Variants in WDR27 observed in about 807,000 individuals in gnomAD.
The protein encoded by WDR27 is WD repeat-containing protein 27.
Under a neutral mutation model 114.4 loss-of-function variants are expected in WDR27, and 100 were observed. The observed-to-expected ratio is 0.87, with a 90% CI of 0.74 to 1.03. The LOEUF (loss-of-function observed/expected upper bound fraction) is 1.03. Ranked by LOEUF, WDR27 falls within the 50% of genes least tolerant of loss-of-function variation. The pLI, the probability that WDR27 is intolerant of heterozygous loss-of-function variation, is 0.00. For missense variants in WDR27, 1,129 were observed against 1,092.9 expected, an observed-to-expected ratio of 1.03 and a Z score of -0.47; for synonymous variants, 449 against 423.1, an observed-to-expected ratio of 1.06 and a Z score of -0.75.
rs78747198 is a variant in WDR27 at position 169,493,829 on chromosome 6, T to C, written c.2646-36195A>G. Among the ~76,000 whole-genome samples the C allele has an allele frequency of 4.1e-4, 63 of 152,274 alleles. 3 individuals carry two copies. The East Asian group carries it at 0.01, about 24-fold the overall frequency. On this transcript the variant is annotated intron_variant, in intron 25 of 25. Coordinates refer to ENST00000448612, the MANE Select transcript of WDR27 (RefSeq NM_182552.5). ...ATGACATACATATGTAAGTTTTGCA[T>C]AGGCTTTTGAGAAATAATACCATAT...
chr6:169,506,772 G>A (rs964524488), intron 25 of WDR27, among the ~76,000 whole-genome samples: 1 of 152,226 alleles, frequency 6.6e-6, no homozygotes, highest in Admixed American at 6.5e-5. Context: ...AGATGTGTTA[G>A]TTATAACTTG....
Position 169,625,328 on chromosome 6 carries a change from C to T in WDR27, c.2223+7619G>A, listed in dbSNP as rs566967145. On this transcript the variant is annotated intron_variant, in intron 21 of 25. Coordinates refer to ENST00000448612, the MANE Select transcript of WDR27 (RefSeq NM_182552.5). ...CTCACAGGAGAGAGGATTAATTCCACGTCATTCCGACTGCACTGATGAGCC... is the reference window on the plus strand; with the variant it reads ...CTCACAGGAGAGAGGATTAATTCCATGTCATTCCGACTGCACTGATGAGCC... Among the ~76,000 whole-genome samples, 89 of 152,338 alleles carry T rather than the reference C, an allele frequency of 5.8e-4. 1 individual carries two copies. Among genetic ancestry groups the T allele is most frequent in the Admixed American group, 4.3e-3 (66 of 15,306 alleles).
chr6:169,640,196 C>T (rs557211744), intron 17 of WDR27, among the ~76,000 whole-genome samples: 8 of 152,272 alleles, frequency 5.3e-5, no homozygotes, highest in Admixed American at 2.6e-4. Flanking sequence ...CTGCCATAGC[C>T]GGGATCTCCC....
At chr6:169,667,869 A>T (rs1197536825) in intron 5 of WDR27, 113 bp downstream of exon 5, 2 of 1,048,276 alleles carry the variant, frequency 1.9e-6, no homozygotes, top group Non-Finnish European at 2.7e-6. Flanking sequence ...AGTGAGGTAG[A>T]AACAACATCA....
At chr6:169,448,177 T>G in the WDR27 span, among the ~76,000 whole-genome samples, 1 of 152,184 alleles carries the variant, frequency 6.6e-6, no homozygotes, top group African/African-American at 2.4e-5. Flanking sequence ...GTGCTGAGAT[T>G]ACAGGCGTGA....
chr6:169,570,361 G>A (rs552107306), intron 25 of WDR27, among the ~76,000 whole-genome samples: 43 of 152,338 alleles, frequency 2.8e-4, no homozygotes, highest in Middle Eastern at 6.8e-3. Flanking sequence ...GAAGACAGGA[G>A]AGAAAAAGAA....
chr6:169,636,819 T>C (rs938452928), intron 18 of WDR27, among the ~76,000 whole-genome samples: 6 of 152,220 alleles, frequency 3.9e-5, no homozygotes, highest in Admixed American at 1.3e-4. Flanking sequence ...TGTTTTAAAA[T>C]ACAGTTCTGA....
At position 169,632,946 on chromosome 6, in the gene WDR27, C is replaced by G; in HGVS notation, c.2223+1G>C. The G allele has an allele frequency of 6.3e-7, 1 of 1,580,100 alleles. No homozygotes were observed. Among genetic ancestry groups the G allele is most frequent in the Non-Finnish European group, 8.7e-7 (1 of 1,154,506 alleles). ...TACATGTTATCCAAAAACTTACTCA[C>G]TTTATTTTGGCAGATTTGATGGACA... On this transcript the variant is annotated splice_donor_variant, in intron 21 of 25. Transcript: ENST00000448612. LOFTEE classifies it high-confidence loss of function.
intron 20 of WDR27, 106 bp from the exon 21 acceptor site, chr6:169,633,174 G>A: frequency 8.4e-7 from 1 of 1,196,786 alleles, no homozygotes. Flanking sequence ...GAAGACTCAT[G>A]AATGGATGAC....
chr6:169,676,755 A>G lies in WDR27; in HGVS notation c.190-4359T>C, dbSNP rs1216717106. Among the ~76,000 whole-genome samples the G allele has an allele frequency of 3.3e-5, 5 of 152,192 alleles. No homozygotes were observed. In the East Asian group the frequency reaches 7.7e-4, roughly 23 times the overall value. ...TCAACCAATTGCAATTTAGAAAATT[A>G]TCGAATCCACCTATGACCTGGAAGC... On this transcript the variant is annotated intron_variant, in intron 2 of 25. Transcript: ENST00000448612.
At chr6:169,530,354 G>C (rs1795440556) in intron 25 of WDR27, among the ~76,000 whole-genome samples, 1 of 152,178 alleles carries the variant, frequency 6.6e-6, no homozygotes, top group Non-Finnish European at 1.5e-5. Flanking sequence ...TCAAAACAGA[G>C]ATGAAAACAA....
intron 25 of WDR27, among the ~76,000 whole-genome samples, chr6:169,481,769 G>A (rs1203595650): frequency 6.6e-6 from 1 of 152,156 alleles, no homozygotes; most frequent in Non-Finnish European, 1.5e-5. Context: ...CCTCCTTAAA[G>A]AACTGTAACA....
chr6:169,577,344 CGA>C (rs1802552023), intron 24 of WDR27, among the ~76,000 whole-genome samples: 1 of 152,160 alleles, frequency 6.6e-6, no homozygotes, highest in Admixed American at 6.5e-5. Flanking sequence ...TGGCGCCCCC[CGA>C]TGTCCACACC....
At chr6:169,590,709 AC>A (rs1226096006) in intron 23 of WDR27, among the ~76,000 whole-genome samples, 1 of 152,036 alleles carries the variant, frequency 6.6e-6, no homozygotes, top group African/African-American at 2.4e-5. Flanking sequence ...AATAAACCCC[AC>A]CCTTTTCTCT....
chr6:169,456,493 T>A (rs973200143), downstream of WDR27, among the ~76,000 whole-genome samples: 2 of 152,182 alleles, frequency 1.3e-5, no homozygotes, highest in East Asian at 3.9e-4. The surrounding 1 kb of genome is among the most constrained non-coding windows in gnomAD (Gnocchi z 4.0). Flanking sequence ...CATCACAGGC[T>A]GCTGAGGTTA....
rs571467450 is a variant in WDR27, at chr6:169,501,216, C to T, written c.2646-43582G>A. Among the ~76,000 whole-genome samples, 7 of 152,326 alleles carry T rather than the reference C, an allele frequency of 4.6e-5. No homozygotes were observed. In the South Asian group the frequency reaches 6.2e-4, roughly 14 times the overall value. Reference sequence around the variant, plus strand: ...TTTCCCAAGTGGGCTGGAGATGAGACGAACCCGATCCACCTGCGGATTGAA... The same window carrying T: ...TTTCCCAAGTGGGCTGGAGATGAGATGAACCCGATCCACCTGCGGATTGAA... On this transcript the variant is annotated intron_variant, in intron 25 of 25. Transcript: ENST00000448612.
chr6:169,462,479 GGA>G (rs568005305), intron 25 of WDR27, among the ~76,000 whole-genome samples: 13 of 150,332 alleles, frequency 8.6e-5, no homozygotes, highest in African/African-American at 2.7e-4. Flanking sequence ...AGGAGAGGGG[GGA>G]GAGAGAGAGA....
At chr6:169,577,058 T>G (rs1301277151) in intron 24 of WDR27, among the ~76,000 whole-genome samples, 1 of 148,206 alleles carries the variant, frequency 6.7e-6, no homozygotes, top group African/African-American at 2.5e-5. Flanking sequence ...GGAAGAAGGA[T>G]CCTCTCAAAT....
chr6:169,522,352 T>A (rs1399814760), intron 25 of WDR27, among the ~76,000 whole-genome samples: 1 of 151,990 alleles, frequency 6.6e-6, no homozygotes, highest in South Asian at 2.1e-4. Context: ...AAGGGAGAGA[T>A]AGATTGTAAT....
Sources: gnomAD v4.1 joint callset for allele counts (sites outside exome capture counted in the v4.1 genomes callset) on GRCh38, gnomAD v4.1.1 for gene constraint, Gnocchi (gnomAD v3.1) non-coding constraint, MANE v1.5 for transcripts, NCBI Gene and HGNC (gene_info 2026-07-23, HGNC 2026-07-21) for gene names.